The following CTNNA2 variants were observed in gnomAD, a reference collection of about 807,000 sequenced individuals.
The protein encoded by CTNNA2 is catenin alpha 2, also known as catenin alpha-2.
Under a neutral mutation model 101.0 loss-of-function variants are expected in CTNNA2, and 42 were observed. That is an observed-to-expected ratio of 0.42 (90% CI 0.32 to 0.54). The LOEUF (loss-of-function observed/expected upper bound fraction) is 0.54, where lower values mean the gene tolerates loss of function less well. CTNNA2 is among the 20% of genes least tolerant of loss of function. CTNNA2 has a pLI of 0.14. For missense variants in CTNNA2, 871 were observed against 1,223.1 expected (o/e 0.71, Z 4.29); for synonymous variants, 450 against 456.4 (o/e 0.99, Z 0.18).
At chr2:80,107,257 A>G (rs754765532) in intron 7 of CTNNA2, among the ~76,000 whole-genome samples, 4 of 152,140 alleles carry the variant, frequency 2.6e-5, no homozygotes, top group African/African-American at 4.8e-5. Flanking sequence ...CCTTTTCTCA[A>G]ACTACCTATG....
At chr2:80,555,493 C>G (rs886292082) in intron 11 of CTNNA2, among the ~76,000 whole-genome samples, 200 bp from the exon 12 acceptor site, 1 of 152,218 alleles carries the variant, frequency 6.6e-6, no homozygotes, top group Non-Finnish European at 1.5e-5. Context: ...CTATGTGATG[C>G]TACCAGCCCT....
chr2:80,183,452 G>T (rs1705917439), intron 7 of CTNNA2, among the ~76,000 whole-genome samples: 1 of 152,168 alleles, frequency 6.6e-6, no homozygotes, highest in Admixed American at 6.5e-5. Flanking sequence ...CAAAAATGCT[G>T]TGTAAAAAGA....
At chr2:80,232,036 A>G (rs1317409466) in intron 7 of CTNNA2, among the ~76,000 whole-genome samples, 6 of 152,210 alleles carry the variant, frequency 3.9e-5, no homozygotes, top group East Asian at 1.9e-4. Context: ...GTCTTTAGAT[A>G]ATAACTTAAC....
chr2:80,262,166 A>C (rs2149124738), intron 7 of CTNNA2, among the ~76,000 whole-genome samples: 1 of 149,786 alleles, frequency 6.7e-6, no homozygotes, highest in Admixed American at 6.6e-5. Context: ...GTGCCTGTTC[A>C]TATGTATATG....
chr2:80,460,648 T>G (rs1684346822), intron 9 of CTNNA2, among the ~76,000 whole-genome samples: 1 of 152,096 alleles, frequency 6.6e-6, no homozygotes, highest in African/African-American at 2.4e-5. Flanking sequence ...CCCTACCACA[T>G]CTTGTATTTT....
chr2:80,083,657 C>T (rs1699277802), intron 7 of CTNNA2, among the ~76,000 whole-genome samples: 1 of 152,144 alleles, frequency 6.6e-6, no homozygotes, highest in South Asian at 2.1e-4. Flanking sequence ...TTGTCAGAGT[C>T]ACCAGCCTTG....
chr2:80,216,458 A>G (rs1708274449), intron 7 of CTNNA2, among the ~76,000 whole-genome samples: 1 of 152,252 alleles, frequency 6.6e-6, no homozygotes, highest in African/African-American at 2.4e-5. Flanking sequence ...AACAAAATTC[A>G]TATGTTGAAA....
chr2:79,935,197 A>G (rs1293651962), intron 7 of CTNNA2, among the ~76,000 whole-genome samples: 5 of 152,136 alleles, frequency 3.3e-5, no homozygotes, highest in African/African-American at 1.2e-4. Context: ...GATTCTGCTG[A>G]CAGCCATACT....
intron 7 of CTNNA2, among the ~76,000 whole-genome samples, chr2:79,994,015 C>T (rs1426786826): frequency 5.9e-5 from 9 of 152,106 alleles, no homozygotes; most frequent in Non-Finnish European, 1.3e-4. Context: ...ACGATACTCC[C>T]GCCTTATCCT....
At chr2:80,490,948 A>G in intron 9 of CTNNA2, among the ~76,000 whole-genome samples, 1 of 152,222 alleles carries the variant, frequency 6.6e-6, no homozygotes, top group East Asian at 1.9e-4. Context: ...ATATTCTGGG[A>G]ATCTAGGGGC....
At chr2:79,703,638 G>A (rs562938473) in intron 2 of CTNNA2, among the ~76,000 whole-genome samples, 7 of 152,158 alleles carry the variant, frequency 4.6e-5, no homozygotes, top group Admixed American at 1.3e-4. Flanking sequence ...TTTAATTTTT[G>A]TTCTTCTCAG....
chr2:79,625,396 T>C (rs1397148844), intron 1 of CTNNA2, among the ~76,000 whole-genome samples: 1 of 151,932 alleles, frequency 6.6e-6, no homozygotes, highest in African/African-American at 2.4e-5. Context: ...GAGTGTAGAG[T>C]CATATTAGGG....
intron 7 of CTNNA2, among the ~76,000 whole-genome samples, chr2:80,048,703 A>C (rs1316309123): frequency 6.6e-6 from 1 of 152,222 alleles, no homozygotes; most frequent in Non-Finnish European, 1.5e-5. Context: ...ACTGGCGTAT[A>C]AGTGAATCTA....
rs748118184 is a variant in CTNNA2, at chr2:80,424,490, CAT to C, written c.1290+4890_1290+4891del. ...GGGTGATATTGGATTGAATGGCAAA[CAT>C]GTGTGTGGACAGATATAGAGGGTCT... On this transcript the variant is annotated intron_variant, in intron 9 of 18. Coordinates refer to ENST00000402739, the MANE Select transcript of CTNNA2 (RefSeq NM_001282597.3). Among the ~76,000 whole-genome samples the C allele has an allele frequency of 7.2e-5, 11 of 152,216 alleles. No individual in the cohort carries two copies. In the East Asian group the frequency reaches 9.7e-4, roughly 13 times the overall value.
chr2:80,486,827 A>G (rs1003806420), intron 9 of CTNNA2, among the ~76,000 whole-genome samples: 2 of 152,214 alleles, frequency 1.3e-5, no homozygotes, highest in Non-Finnish European at 2.9e-5. Flanking sequence ...CTACTATTCA[A>G]TAAATTTCAT....
At chr2:79,298,362 C>G (rs1455019646) in intron 2 of CTNNA2, among the ~76,000 whole-genome samples, 3 of 152,078 alleles carry the variant, frequency 2.0e-5, no homozygotes, top group Non-Finnish European at 4.4e-5. Context: ...GGAATCAGAC[C>G]CTTGACCCAA....
chr2:80,440,855 C>A (rs1267249187), intron 9 of CTNNA2, among the ~76,000 whole-genome samples: 1 of 152,104 alleles, frequency 6.6e-6, no homozygotes, highest in African/African-American at 2.4e-5. Context: ...AATAGACAAC[C>A]CTGACCCTCA....
At chr2:79,885,759 A>G (rs889797297) in intron 6 of CTNNA2, among the ~76,000 whole-genome samples, 1 of 152,240 alleles carries the variant, frequency 6.6e-6, no homozygotes, top group Non-Finnish European at 1.5e-5. Context: ...TTAATGCTCC[A>G]TAATAATTAT....
At chr2:79,620,775 A>G (rs769204895) in intron 1 of CTNNA2, among the ~76,000 whole-genome samples, 1 of 152,178 alleles carries the variant, frequency 6.6e-6, no homozygotes, top group East Asian at 1.9e-4. Context: ...GCAGCCATAG[A>G]TATGTATAAT....
Sources: gnomAD v4.1 joint callset for allele counts (sites outside exome capture counted in the v4.1 genomes callset) on GRCh38, gnomAD v4.1.1 for gene constraint, MANE v1.5 for transcripts, NCBI Gene and HGNC (gene_info 2026-07-23, HGNC 2026-07-21) for gene names.